The following GYG2 variants were observed in gnomAD, a reference collection of about 807,000 sequenced individuals.
GYG2 encodes glycogenin-2.
Under a neutral mutation model 29.4 loss-of-function variants are expected in GYG2, and 29 were observed. The ratio of observed to expected loss-of-function variants is 0.99; its 90% CI spans 0.74 to 1.35. The LOEUF is 1.35. Ranked by LOEUF, GYG2 falls within the 40% of genes most tolerant of loss-of-function variation. GYG2 has a pLI of 0.00. For synonymous variants in GYG2, 167 were observed against 172.3 expected (o/e 0.97, Z 0.24); for missense variants, 370 against 385.7 (o/e 0.96, Z 0.34).
intron 2 of GYG2, among the ~76,000 whole-genome samples, chrX:2,833,485 G>T (rs774143096): frequency 9.0e-6 from 1 of 111,418 alleles, no homozygotes; most frequent in East Asian, 2.8e-4. Context: ...TATAAAGCCA[G>T]CGCATGTGGT....
In GYG2 at chrX:2,870,488, C is replaced by T. The variant is rs2088442177; in HGVS notation, c.1039-5322C>T. 1.8e-5 allele frequency among the ~76,000 whole-genome samples: 2 copies of T among 111,674 alleles called. 1 individual carries two copies. The highest frequency in any genetic ancestry group is 5.6e-4 in the East Asian group (2 of 3,559). On this transcript the variant is annotated intron_variant, in intron 8 of 10. Transcript: ENST00000398806. ...AAAGTGCTGGCATTACAGGCATGAG[C>T]CACCACGCCCGGCCTCTACTAACAT...
At position 2,847,703 on chromosome X, in the gene GYG2, AAAATAAAT is replaced by A. The variant is rs34250808; in HGVS notation, c.149+4389_149+4396del. On this transcript the variant is annotated intron_variant, in intron 3 of 10. Coordinates refer to ENST00000398806, the MANE Select transcript of GYG2 (RefSeq NM_001079855.2). ...CTGGGTGACAGAGCAGGACTCTGTC[AAAATAAAT>A]AAATAAATAAATAAATAAATAAATA... Among the ~76,000 whole-genome samples, 658 of 80,954 alleles carry A rather than the reference AAAATAAAT, an allele frequency of 8.1e-3. 5 individuals are homozygous for A. The highest frequency in any genetic ancestry group is 0.021 in the African/African-American group (497 of 23,296). 70.3% of individuals were successfully genotyped at this position (80,954 alleles called of 115,157 possible).
chrX:2,867,876 A>T (rs778822589), intron 8 of GYG2, among the ~76,000 whole-genome samples: 1 of 111,919 alleles, frequency 8.9e-6, no homozygotes, highest in Non-Finnish European at 1.9e-5. Flanking sequence ...TTGGCAGATC[A>T]CTTGAGCTCA....
rs189818806 is a variant in GYG2 at position 2,871,761 on chromosome X, C to G, written c.1039-4049C>G. On this transcript the variant is annotated intron_variant, in intron 8 of 10. Coordinates refer to ENST00000398806, the MANE Select transcript of GYG2 (RefSeq NM_001079855.2). ...AATTCTATATACATTATTTGTGCAG[C>G]CTTTTTAGGTATTTTTGGCAGAAGA... 4.6e-3 allele frequency among the ~76,000 whole-genome samples: 509 copies of G among 110,659 alleles called. 7 individuals carry two copies. Among genetic ancestry groups the G allele is most frequent in the African/African-American group, 0.016 (493 of 30,474 alleles).
At position 2,830,317 on chromosome X, in the gene GYG2, C is replaced by G. The variant is rs2087236425; in HGVS notation, c.7+122C>G. On this transcript the variant is annotated intron_variant, in intron 2 of 10. Transcript: ENST00000398806. ...GATTGCCCCAAACCCCGAGTCTCCC[C>G]CTTACTGCCTCGCCCAGGTCTCTCT... 2.4e-5 allele frequency: 15 copies of G among 618,510 alleles called. No homozygotes were observed. The South Asian group carries it at 3.4e-4, about 14-fold the overall frequency. The allele number at this position is 618,510 out of a possible 1,213,427, so 51.0% of individuals were successfully genotyped here.
intron 2 of GYG2, among the ~76,000 whole-genome samples, chrX:2,838,512 T>C (rs1393718886): frequency 9.7e-6 from 1 of 103,453 alleles, no homozygotes. Context: ...TGTTGCATAC[T>C]CTCTGGGCTT....
chrX:2,864,851 C>T (rs1465302860), intron 8 of GYG2, among the ~76,000 whole-genome samples: 1 of 109,912 alleles, frequency 9.1e-6, no homozygotes, highest in Non-Finnish European at 1.9e-5. Flanking sequence ...CAACCTCCAC[C>T]GCCCGAGTCC....
At chrX:2,877,074 C>T (rs1316630259) in intron 9 of GYG2, 126 bp from the exon 10 acceptor site, 5 of 933,466 alleles carry the variant, frequency 5.4e-6, no homozygotes, top group South Asian at 5.2e-5. Flanking sequence ...TGAGCCACCG[C>T]GCCTGGCCTC....
intron 2 of GYG2, among the ~76,000 whole-genome samples, chrX:2,837,248 C>T (rs2087393535): frequency 8.9e-6 from 1 of 112,051 alleles, no homozygotes; most frequent in Admixed American, 9.5e-5. Context: ...CTCTGTTCTT[C>T]TTCTCTGCTC....
chrX:2,875,316 A>G (rs1389767684), intron 8 of GYG2, among the ~76,000 whole-genome samples: 1 of 111,182 alleles, frequency 9.0e-6, no homozygotes, highest in Non-Finnish European at 1.9e-5. Context: ...CCCATCTAGC[A>G]TGGTGTTAGA....
At chrX:2,838,804 C>T (rs1364693961) in intron 2 of GYG2, among the ~76,000 whole-genome samples, 1 of 111,334 alleles carries the variant, frequency 9.0e-6, no homozygotes, top group Non-Finnish European at 1.9e-5. Flanking sequence ...TATTTCTTAT[C>T]CTTGGAGTGA....
intron 10 of GYG2, among the ~76,000 whole-genome samples, chrX:2,879,602 C>G (rs2088674067): frequency 8.9e-6 from 1 of 112,039 alleles, no homozygotes; most frequent in African/African-American, 3.2e-5. Context: ...ATCTATATAT[C>G]CATTCATCCT....
At chrX:2,859,579 T>C (rs750956992) in intron 6 of GYG2, among the ~76,000 whole-genome samples, 3 of 111,159 alleles carry the variant, frequency 2.7e-5, no homozygotes, top group East Asian at 5.7e-4. Context: ...GATTATATAT[T>C]GATGACTATG....
intron 8 of GYG2, among the ~76,000 whole-genome samples, chrX:2,868,412 G>A (rs955644899): frequency 9.1e-5 from 9 of 99,371 alleles, no homozygotes; most frequent in African/African-American, 2.6e-4. Flanking sequence ...AGCTGAGATC[G>A]TGCCAGTGCA....
In GYG2 at chrX:2,854,863, C is replaced by T. The variant is rs761175798; in HGVS notation, c.325-130C>T. 182 of 672,655 alleles carry T rather than the reference C, an allele frequency of 2.7e-4. No homozygotes were observed. In the African/African-American group the frequency reaches 3.4e-3, roughly 12 times the overall value. The allele number at this position is 672,655 out of a possible 1,213,427, so 55.4% of individuals were successfully genotyped here. A position where few individuals can be genotyped will look rare whatever the true frequency, so the allele number is the denominator to read the frequency against. Reference sequence around the variant, plus strand: ...GGGGGGATCGCTTGAACCCGGGAGGCGGAGGCCGCAGTGAGCCGAGACTGA... The same window carrying T: ...GGGGGGATCGCTTGAACCCGGGAGGTGGAGGCCGCAGTGAGCCGAGACTGA... On this transcript the variant is annotated intron_variant, in intron 4 of 10. Coordinates refer to ENST00000398806, the MANE Select transcript of GYG2 (RefSeq NM_001079855.2).
intron 8 of GYG2, among the ~76,000 whole-genome samples, chrX:2,862,002 C>T (rs1365994410): frequency 8.1e-5 from 9 of 111,698 alleles, no homozygotes; most frequent in Non-Finnish European, 1.7e-4. Flanking sequence ...ATGAGGGACC[C>T]TGAGCTGGGG....
At chrX:2,859,558 G>A (rs185980633) in intron 6 of GYG2, among the ~76,000 whole-genome samples, 1 of 110,504 alleles carries the variant, frequency 9.0e-6, no homozygotes, top group Non-Finnish European at 1.9e-5. Context: ...TAGTAGTAGT[G>A]TATTATTATT....
rs201255190 is a variant in GYG2, at chrX:2,845,025, ATATT to A, written c.149+1675_149+1678del. On this transcript the variant is annotated intron_variant, in intron 3 of 10. Coordinates refer to ENST00000398806, the MANE Select transcript of GYG2 (RefSeq NM_001079855.2). ...TATATTTATATACACATGTGTATGT[ATATT>A]TATATACACATGTGTATGTATATAT... 1.5e-3 allele frequency among the ~76,000 whole-genome samples: 138 copies of A among 91,436 alleles called. 1 individual carries two copies. Among genetic ancestry groups the A allele is most frequent in the Middle Eastern group, 9.6e-3 (1 of 104 alleles). The allele number at this position is 91,436 out of a possible 115,157, so 79.4% of individuals were successfully genotyped here.
Position 2,831,258 on chromosome X carries a change from G to T in GYG2, c.7+1063G>T, listed in dbSNP as rs780883690. 2.6e-4 allele frequency among the ~76,000 whole-genome samples: 29 copies of T among 112,267 alleles called. No homozygotes were observed. The Admixed American group carries it at 2.6e-3, about 10-fold the overall frequency. On this transcript the variant is annotated intron_variant, in intron 2 of 10. Coordinates refer to ENST00000398806, the MANE Select transcript of GYG2 (RefSeq NM_001079855.2). ...ATTTTTTAAATTTTGTAGAGACAGG[G>T]TCTTGCTATGTTGCCCAGGCTGGTC...
Sources: allele counts gnomAD v4.1 joint callset (sites outside exome capture counted in the v4.1 genomes callset), GRCh38; gene constraint gnomAD v4.1.1; transcripts MANE v1.5; gene names NCBI Gene and HGNC (gene_info 2026-07-23, HGNC 2026-07-21).